Variants in BLK observed in about 807,000 individuals in gnomAD.
The protein encoded by BLK is tyrosine-protein kinase Blk.
Under a neutral mutation model 61.8 loss-of-function variants are expected in BLK, and 64 were observed. That is an observed-to-expected ratio of 1.03 (90% CI 0.85 to 1.27). The LOEUF is 1.27. BLK is among the 50% of genes most tolerant of loss of function. BLK has a pLI of 0.00. For missense variants in BLK, 853 were observed against 660.5 expected (o/e 1.29, Z -3.19); for synonymous variants, 351 against 272.0 (o/e 1.29, Z -2.86).
chr8:11,553,839 G>A (rs1350604030), intron 6 of BLK, among the ~76,000 whole-genome samples: 1 of 152,178 alleles, frequency 6.6e-6, no homozygotes, highest in East Asian at 1.9e-4. Flanking sequence ...TGAGGCAGGG[G>A]AACTGACAGG....
At chr8:11,526,770 T>C (rs183089218) in intron 1 of BLK, among the ~76,000 whole-genome samples, 5 of 149,420 alleles carry the variant, frequency 3.3e-5, no homozygotes, top group African/African-American at 1.2e-4. Context: ...ATAATTTTAC[T>C]GTGTTTCATC....
chr8:11,506,293 A>C (rs747466838), intron 1 of BLK, among the ~76,000 whole-genome samples: 4 of 152,196 alleles, frequency 2.6e-5, no homozygotes, highest in Non-Finnish European at 5.9e-5. Context: ...TTGCCTTCCC[A>C]AGGTCACAGC....
At chr8:11,532,676 T>A (rs1321438490) in intron 1 of BLK, among the ~76,000 whole-genome samples, 1 of 152,348 alleles carries the variant, frequency 6.6e-6, no homozygotes, top group African/African-American at 2.4e-5. Flanking sequence ...ACTAGTCTAC[T>A]AATATCAAAA....
intron 1 of BLK, among the ~76,000 whole-genome samples, chr8:11,505,426 G>C (rs1798732452): frequency 6.6e-6 from 1 of 152,162 alleles, no homozygotes; most frequent in Non-Finnish European, 1.5e-5. Flanking sequence ...TGCCAAGCCA[G>C]AGGGTGACCT....
chr8:11,529,308 G>A (rs561582002), intron 1 of BLK, among the ~76,000 whole-genome samples: 9 of 152,202 alleles, frequency 5.9e-5, no homozygotes, highest in East Asian at 1.9e-4. Flanking sequence ...TTGAGCATTC[G>A]GCGATCAGAG....
At chr8:11,507,907 G>A (rs1410662720) in intron 1 of BLK, among the ~76,000 whole-genome samples, 2 of 152,164 alleles carry the variant, frequency 1.3e-5, no homozygotes, top group Non-Finnish European at 2.9e-5. Flanking sequence ...CTCTCTCTGG[G>A]GTTCAGGGCC....
chr8:11,543,188 C>A, intron 1 of BLK, 36 bp from the exon 2 acceptor site: 2 of 1,612,978 alleles, frequency 1.2e-6, no homozygotes, highest in South Asian at 2.2e-5. Context: ...AGGCCCCGCT[C>A]TCTCATGTCC....
intron 10 of BLK, chr8:11,560,298 G>A: frequency 4.7e-6 from 1 of 214,236 alleles, no homozygotes; most frequent in Non-Finnish European, 9.2e-6. Context: ...TGGATGGATG[G>A]ATACATGGAA....
chr8:11,550,995 C>G (rs1475853648), intron 6 of BLK, among the ~76,000 whole-genome samples: 1 of 152,170 alleles, frequency 6.6e-6, no homozygotes, highest in African/African-American at 2.4e-5. Flanking sequence ...CACTCCCCCA[C>G]TTGGGCTCCT....
intron 1 of BLK, among the ~76,000 whole-genome samples, chr8:11,518,881 C>T (rs1195021729): frequency 6.6e-6 from 1 of 152,168 alleles, no homozygotes; most frequent in African/African-American, 2.4e-5. Flanking sequence ...CTGCTCTGCC[C>T]TCTGTGCTTT....
At chr8:11,544,902 AG>A (rs1800556283) in intron 2 of BLK, among the ~76,000 whole-genome samples, 2 of 152,222 alleles carry the variant, frequency 1.3e-5, no homozygotes, top group Non-Finnish European at 2.9e-5. Flanking sequence ...TCCCAACTTC[AG>A]ACAAGAAAGA....
At chr8:11,502,960 G>A (rs112512182) in intron 1 of BLK, among the ~76,000 whole-genome samples, 97 of 152,306 alleles carry the variant, frequency 6.4e-4, no homozygotes, top group African/African-American at 2.1e-3. Context: ...TGTGGGGTTC[G>A]CAAGTCCCCA....
chr8:11,515,607 T>C (rs1485923540), intron 1 of BLK, among the ~76,000 whole-genome samples: 1 of 152,240 alleles, frequency 6.6e-6, no homozygotes, highest in African/African-American at 2.4e-5. Context: ...TTCCATTTTC[T>C]TTAACTGCAT....
intron 6 of BLK, among the ~76,000 whole-genome samples, chr8:11,550,549 C>T (rs983262354): frequency 1.3e-5 from 2 of 152,252 alleles, no homozygotes; most frequent in African/African-American, 2.4e-5. Flanking sequence ...ACACCGAGGC[C>T]AGTGGGGGCC....
chr8:11,535,248 GGAAAGAAAGAAAGAA>G (rs1563102261), intron 1 of BLK, among the ~76,000 whole-genome samples: 2 of 94,146 alleles, frequency 2.1e-5, no homozygotes, highest in African/African-American at 4.3e-5. Context: ...AAGAAGGAAA[GGAAAGAAAGAAAGAA>G]GAAAGAAAGA....
Position 11,554,849 on chromosome 8 carries a change from C to T in BLK, c.579C>T (p.Ile193=), listed in dbSNP as rs200193241. 1.9e-4 allele frequency: 300 copies of T among 1,613,968 alleles called. No individual in the cohort carries two copies. Among genetic ancestry groups the T allele is most frequent in the Non-Finnish European group, 2.5e-4 (293 of 1,179,986 alleles). Residue 193 remains isoleucine, a synonymous_variant, in exon 7 of 13, where the codon ATC becomes ATT. Coordinates refer to ENST00000259089, the MANE Select transcript of BLK (RefSeq NM_001715.3). ...DEGGYYISPR[I]TFPSLQALVQ... ...GGGGCTACTACATCTCCCCCCGGAT[C>T]ACCTTCCCCTCGCTCCAGGCCCTGG... is the stretch of plus-strand genomic sequence containing the variant.
At chr8:11,548,732 C>G (rs531198398) in intron 4 of BLK, among the ~76,000 whole-genome samples, 1 of 152,334 alleles carries the variant, frequency 6.6e-6, no homozygotes, top group Admixed American at 6.5e-5. Context: ...TGTCCCCAGT[C>G]CCTCACCAAG....
chr8:11,516,953 C>T (rs1472544538), intron 1 of BLK, among the ~76,000 whole-genome samples: 1 of 152,228 alleles, frequency 6.6e-6, no homozygotes, highest in Non-Finnish European at 1.5e-5. Flanking sequence ...ACTGGCATTG[C>T]TGGATCATAT....
intron 1 of BLK, among the ~76,000 whole-genome samples, chr8:11,535,878 C>A (rs1364289662): frequency 6.6e-6 from 1 of 152,156 alleles, no homozygotes; most frequent in Non-Finnish European, 1.5e-5. Context: ...AGTGATGAAC[C>A]ATCACAAGGA....
Sources: gnomAD v4.1 joint callset for allele counts (sites outside exome capture counted in the v4.1 genomes callset) on GRCh38, gnomAD v4.1.1 for gene constraint, MANE v1.5 for transcripts, NCBI Gene and HGNC (gene_info 2026-07-23, HGNC 2026-07-21) for gene names.